Variants in NKAIN2 observed in about 807,000 individuals in gnomAD.
NKAIN2 encodes sodium/potassium transporting ATPase interacting 2.
NKAIN2 carries 14 observed loss-of-function variants against 32.6 expected under a neutral mutation model. That is an observed-to-expected ratio of 0.43 (90% CI 0.28 to 0.67). The LOEUF is 0.67. Among genes scored for constraint, NKAIN2 ranks in the 30% least tolerant of loss-of-function variants. The pLI is 0.17. For synonymous variants in NKAIN2, 80 were observed against 87.2 expected, an observed-to-expected ratio of 0.92 and a Z score of 0.46; for missense variants, 198 against 258.3, an observed-to-expected ratio of 0.77 and a Z score of 1.60.
intron 1 of NKAIN2, among the ~76,000 whole-genome samples, chr6:123,953,668 C>T (rs938590470): frequency 6.6e-6 from 1 of 152,144 alleles, no homozygotes; most frequent in African/African-American, 2.4e-5. Flanking sequence ...TGGGTGGCCC[C>T]TAGAACCCCA....
intron 1 of NKAIN2, among the ~76,000 whole-genome samples, chr6:123,847,075 AGT>A (rs1157244461): frequency 3.3e-5 from 5 of 152,242 alleles, no homozygotes; most frequent in South Asian, 2.1e-4. Flanking sequence ...ATAAATTCTA[AGT>A]GTGCTTTTAT....
At chr6:124,273,358 C>G (rs1200078086) in intron 1 of NKAIN2, among the ~76,000 whole-genome samples, 6 of 152,134 alleles carry the variant, frequency 3.9e-5, no homozygotes, top group African/African-American at 1.2e-4. Context: ...TTCCTGCTAT[C>G]TCTCTCCTGC....
chr6:123,851,500 G>A (rs559325522), intron 1 of NKAIN2, among the ~76,000 whole-genome samples: 5 of 151,628 alleles, frequency 3.3e-5, no homozygotes, highest in South Asian at 4.2e-4. Context: ...ATTCTCCCAC[G>A]TCAGCCTACC....
rs1774559507 is a variant in NKAIN2 at position 123,835,084 on chromosome 6, A to C, written c.54+30830A>C. On this transcript the variant is annotated intron_variant, in intron 1 of 6. Transcript: ENST00000368417. Reference sequence around the variant, plus strand: ...GCACAGTTCTAGCCTTTTAGAAGGAATGAGAAGTATTCTCTGCTTCTATCC... The same window carrying C: ...GCACAGTTCTAGCCTTTTAGAAGGACTGAGAAGTATTCTCTGCTTCTATCC... Among the ~76,000 whole-genome samples, 4 of 152,190 alleles carry C rather than the reference A, an allele frequency of 2.6e-5. No homozygotes were observed. In the South Asian group the frequency reaches 8.3e-4, roughly 31 times the overall value.
chr6:124,748,692 C>G (rs1232344356), intron 4 of NKAIN2, among the ~76,000 whole-genome samples: 2 of 151,844 alleles, frequency 1.3e-5, no homozygotes, highest in Non-Finnish European at 2.9e-5. Context: ...TTCTGCTATT[C>G]AGAGCACTAA....
chr6:124,100,236 G>A (rs1784818263), intron 1 of NKAIN2, among the ~76,000 whole-genome samples: 1 of 152,142 alleles, frequency 6.6e-6, no homozygotes, highest in Non-Finnish European at 1.5e-5. Context: ...TTTGGGGAGT[G>A]TATGCAAGAC....
At chr6:124,324,842 C>T (rs1022372572) in intron 2 of NKAIN2, among the ~76,000 whole-genome samples, 4 of 151,652 alleles carry the variant, frequency 2.6e-5, no homozygotes, top group Non-Finnish European at 4.4e-5. Context: ...CAATTTTTTT[C>T]TTCCTTAGCC....
At chr6:124,239,072 A>G (rs1792934551) in intron 1 of NKAIN2, among the ~76,000 whole-genome samples, 1 of 152,156 alleles carries the variant, frequency 6.6e-6, no homozygotes, top group South Asian at 2.1e-4. Context: ...AGGAATATTT[A>G]CCAAGCAAAA....
intron 3 of NKAIN2, among the ~76,000 whole-genome samples, chr6:124,592,129 C>A (rs2114963166): frequency 6.6e-6 from 1 of 152,180 alleles, no homozygotes; most frequent in East Asian, 1.9e-4. Flanking sequence ...TGATGAAGGG[C>A]CATTCTAATG....
intron 2 of NKAIN2, among the ~76,000 whole-genome samples, chr6:124,335,155 G>C (rs62434701): frequency 0.021 from 3,245 of 152,226 alleles, 67 homozygotes; most frequent in Non-Finnish European, 0.031. Context: ...TAAAAATTTA[G>C]ATAGAAATCT....
intron 1 of NKAIN2, among the ~76,000 whole-genome samples, chr6:123,930,417 A>G (rs1776201535): frequency 6.6e-6 from 1 of 152,112 alleles, no homozygotes; most frequent in Non-Finnish European, 1.5e-5. Context: ...ACATATGATA[A>G]TCTTGCCTTT....
intron 1 of NKAIN2, among the ~76,000 whole-genome samples, chr6:124,171,710 C>G (rs1446682213): frequency 6.6e-6 from 1 of 151,748 alleles, no homozygotes. Context: ...GCTGCCACGC[C>G]CGGCTAATTT....
intron 1 of NKAIN2, among the ~76,000 whole-genome samples, chr6:124,035,960 G>C (rs1781589037): frequency 6.6e-6 from 1 of 152,028 alleles, no homozygotes. Flanking sequence ...AATGACAACT[G>C]TTTTGAAAAG....
intron 3 of NKAIN2, among the ~76,000 whole-genome samples, chr6:124,552,423 A>T (rs1419942066): frequency 6.6e-6 from 1 of 152,214 alleles, no homozygotes; most frequent in Non-Finnish European, 1.5e-5. Context: ...TCTTCAGCTC[A>T]TATCCTTTAT....
chr6:124,718,397 C>T (rs867047607), intron 4 of NKAIN2, among the ~76,000 whole-genome samples: 1 of 152,140 alleles, frequency 6.6e-6, no homozygotes, highest in Non-Finnish European at 1.5e-5. Flanking sequence ...CATGTCATAG[C>T]ATGCATCAGT....
intron 1 of NKAIN2, among the ~76,000 whole-genome samples, chr6:124,012,980 TC>T (rs919438767): frequency 6.6e-5 from 10 of 152,166 alleles, no homozygotes; most frequent in Non-Finnish European, 1.5e-5. Flanking sequence ...ATATCCTACC[TC>T]CCCGCCAACA....
intron 1 of NKAIN2, among the ~76,000 whole-genome samples, chr6:123,919,273 T>C (rs185652068): frequency 6.6e-6 from 1 of 152,246 alleles, no homozygotes; most frequent in African/African-American, 2.4e-5. Flanking sequence ...GTGCATGGTT[T>C]CTTTTGTTTG....
rs192293992 is a variant in NKAIN2 at position 124,423,937 on chromosome 6, C to T, written c.273+68590C>T. Among the ~76,000 whole-genome samples the T allele has an allele frequency of 5.3e-5, 8 of 152,226 alleles. No homozygotes were observed. The East Asian group carries it at 5.8e-4, about 11-fold the overall frequency. On this transcript the variant is annotated intron_variant, in intron 3 of 6. Coordinates refer to ENST00000368417, the MANE Select transcript of NKAIN2 (RefSeq NM_001040214.3). ...TCTCAAGTGTTTCCTTAAAGCAGCACGAATAGACTAAGGCAGTATGTAATA... is the reference window on the plus strand; with the variant it reads ...TCTCAAGTGTTTCCTTAAAGCAGCATGAATAGACTAAGGCAGTATGTAATA...
In NKAIN2 at chr6:124,536,029, G is replaced by A. The variant is rs554798615; in HGVS notation, c.274-122157G>A. 5.3e-4 allele frequency among the ~76,000 whole-genome samples: 81 copies of A among 152,308 alleles called. 1 individual carries two copies. The highest frequency in any genetic ancestry group is 3.9e-4 in the Admixed American group (6 of 15,300). On this transcript the variant is annotated intron_variant, in intron 3 of 6. Transcript: ENST00000368417. ...ATGGCAGGTCAGAGAGCAGGCCTGC[G>A]GAGACTGCCCTTCCGTGGAGCCACG...
Sources: allele counts gnomAD v4.1 joint callset (sites outside exome capture counted in the v4.1 genomes callset), GRCh38; gene constraint gnomAD v4.1.1; transcripts MANE v1.5; gene names NCBI Gene and HGNC (gene_info 2026-07-23, HGNC 2026-07-21).